CLDN10: variants seen among roughly 807,000 people sequenced by gnomAD.
CLDN10 encodes the protein claudin 10, also known as claudin-10.
Under a neutral mutation model 22.9 loss-of-function variants are expected in CLDN10, and 15 were observed. That is an observed-to-expected ratio of 0.65 (90% CI 0.44 to 1.01). The LOEUF (loss-of-function observed/expected upper bound fraction) is 1.01. Ranked by LOEUF, CLDN10 falls within the 50% of genes least tolerant of loss-of-function variation. The pLI is 0.00. For missense variants in CLDN10, 247 were observed against 287.8 expected (o/e 0.86, Z 1.03); for synonymous variants, 114 against 111.4 (o/e 1.02, Z -0.15).
intron 1 of CLDN10, among the ~76,000 whole-genome samples, chr13:95,496,305 A>G (rs1449101891): frequency 2.0e-5 from 3 of 152,244 alleles, no homozygotes; most frequent in African/African-American, 7.2e-5. Flanking sequence ...GAGATATTCC[A>G]TAGTCAAAAA....
upstream of CLDN10, chr13:95,552,636 G>C (rs987757222): frequency 1.6e-6 from 2 of 1,281,190 alleles, no homozygotes; most frequent in African/African-American, 3.2e-5. Context: ...GCTGGGCGGG[G>C]TGGTGGGCGG....
intron 3 of CLDN10, among the ~76,000 whole-genome samples, chr13:95,568,433 C>T (rs1467648): frequency 0.91 from 138,864 of 152,162 alleles, 63,479 homozygotes; most frequent in African/African-American, 0.94. Context: ...TTTTGCTGAC[C>T]AGTGCATGAC....
chr13:95,539,520 CT>C (rs780925900), intron 1 of CLDN10, among the ~76,000 whole-genome samples: 6 of 152,136 alleles, frequency 3.9e-5, no homozygotes, highest in Non-Finnish European at 8.8e-5. Context: ...ATGAATCTGA[CT>C]TTATAATAAA....
chr13:95,453,769 T>C (rs1178569976), intron 1 of CLDN10, among the ~76,000 whole-genome samples: 1 of 151,966 alleles, frequency 6.6e-6, no homozygotes, highest in Non-Finnish European at 1.5e-5. Context: ...GAAAGGTCCA[T>C]AGGCATGGCT....
At chr13:95,530,245 A>G (rs1260778862) in intron 1 of CLDN10, among the ~76,000 whole-genome samples, 1 of 152,138 alleles carries the variant, frequency 6.6e-6, no homozygotes, top group Non-Finnish European at 1.5e-5. Flanking sequence ...CACAGAATCC[A>G]TTTCCCATGC....
rs552097262 is a variant in CLDN10 at position 95,435,239 on chromosome 13, G to C, written c.214+1192G>C. On this transcript the variant is annotated intron_variant, in intron 1 of 4. Coordinates refer to the CLDN10 transcript ENST00000376873. ...TACATTTACAAATCTGCCACAAATT[G>C]TGGGTTTATTACTTTAAAAATTGCT... Among the ~76,000 whole-genome samples the C allele has an allele frequency of 2.1e-4, 32 of 152,278 alleles. 1 individual carries two copies. Among genetic ancestry groups the C allele is most frequent in the Admixed American group, 1.8e-3 (28 of 15,282 alleles).
intron 1 of CLDN10, among the ~76,000 whole-genome samples, chr13:95,462,586 G>C (rs1289340716): frequency 6.6e-6 from 1 of 152,198 alleles, no homozygotes; most frequent in East Asian, 1.9e-4. Flanking sequence ...TCTCTCAGAT[G>C]CTGGAAGTGA....
intron 1 of CLDN10, among the ~76,000 whole-genome samples, chr13:95,538,219 T>TCTG (rs1234029009): frequency 7.2e-6 from 1 of 138,104 alleles, no homozygotes; most frequent in African/African-American, 2.7e-5. Flanking sequence ...CACTGCAACC[T>TCTG]CTGCTTCCTG....
At chr13:95,550,924 C>T (rs561167461), upstream of CLDN10, among the ~76,000 whole-genome samples, 4 of 149,420 alleles carry the variant, frequency 2.7e-5, no homozygotes, top group Admixed American at 6.8e-5. Context: ...CCGCCCGCCT[C>T]GGCCTCCCAA....
intron 1 of CLDN10, among the ~76,000 whole-genome samples, chr13:95,543,700 T>A (rs1046971009): frequency 6.6e-6 from 1 of 152,160 alleles, no homozygotes; most frequent in Non-Finnish European, 1.5e-5. Flanking sequence ...AAATGCAGCA[T>A]GTTTTTCTAT....
chr13:95,561,851 G>A (rs1037437919), intron 3 of CLDN10, among the ~76,000 whole-genome samples: 4 of 148,622 alleles, frequency 2.7e-5, no homozygotes, highest in Non-Finnish European at 4.4e-5. Context: ...CTGCAGCCTT[G>A]CGCTTCTGCA....
At chr13:95,569,708 A>G (rs545928808) in intron 3 of CLDN10, among the ~76,000 whole-genome samples, 2 of 152,340 alleles carry the variant, frequency 1.3e-5, no homozygotes, top group Admixed American at 6.5e-5. Context: ...TGTCAACTGG[A>G]TACTCTTGGT....
At chr13:95,533,105 A>G (rs754566572) in intron 1 of CLDN10, among the ~76,000 whole-genome samples, 1 of 152,142 alleles carries the variant, frequency 6.6e-6, no homozygotes, top group East Asian at 1.9e-4. Context: ...CATTGTATGT[A>G]ATTTTTACAT....
At chr13:95,534,429 G>T (rs377523337) in intron 1 of CLDN10, among the ~76,000 whole-genome samples, 148 of 152,206 alleles carry the variant, frequency 9.7e-4, no homozygotes, top group African/African-American at 3.2e-3. Flanking sequence ...TGGGTCATCT[G>T]GTCCACCTAA....
At chr13:95,478,597 C>T (rs563721636) in intron 1 of CLDN10, among the ~76,000 whole-genome samples, 1 of 152,120 alleles carries the variant, frequency 6.6e-6, no homozygotes, top group Non-Finnish European at 1.5e-5. Flanking sequence ...AGGGAGGGTG[C>T]GCCTAGGATC....
At position 95,552,739 on chromosome 13, in the gene CLDN10, G is replaced by A; in HGVS notation, c.-15G>A. On this transcript the variant is annotated 5_prime_UTR_variant, in exon 1 of 5. Transcript: ENST00000299339. ...GAGTGGGAGCCGGAGAGCGAGCGCG[G>A]CTGCAGCCGGCGGCATGGCTAGCAC... is the stretch of plus-strand genomic sequence containing the variant. 6.2e-7 allele frequency: 1 copy of A among 1,603,918 alleles called. No homozygotes were observed. Among genetic ancestry groups the A allele is most frequent in the South Asian group, 1.1e-5 (1 of 90,240 alleles).
intron 1 of CLDN10, among the ~76,000 whole-genome samples, chr13:95,545,902 G>A (rs747908646): frequency 6.6e-6 from 1 of 152,138 alleles, no homozygotes; most frequent in Non-Finnish European, 1.5e-5. Flanking sequence ...ACGGGCCAGA[G>A]CTCAAAGCAC....
intron 1 of CLDN10, among the ~76,000 whole-genome samples, chr13:95,483,735 T>C (rs2138500700): frequency 6.6e-6 from 1 of 152,338 alleles, no homozygotes; most frequent in Admixed American, 6.5e-5. Flanking sequence ...CAAGCATGGC[T>C]GAGCTGGCCA....
rs2043582539 is a variant in CLDN10 at position 95,552,777 on chromosome 13, C to A, written c.24C>A (p.Ile8=). ...GCATGGCTAGCACGGCTTCGGAGATCATCGCCTTCATGGTCTCCATCTCAG... is the reference window on the plus strand; with the variant it reads ...GCATGGCTAGCACGGCTTCGGAGATAATCGCCTTCATGGTCTCCATCTCAG... MASTASE[I]IAFMVSISGW... The change falls in exon 1 of 5, where the codon ATC becomes ATA. Residue 8 remains isoleucine (I), a synonymous_variant. Coordinates refer to ENST00000299339, the MANE Select transcript of CLDN10 (RefSeq NM_006984.5). The A allele has an allele frequency of 6.2e-7, 1 of 1,613,276 alleles. No homozygotes were observed. Among genetic ancestry groups the A allele is most frequent in the Non-Finnish European group, 8.5e-7 (1 of 1,179,860 alleles).
Sources: allele counts gnomAD v4.1 joint callset (sites outside exome capture counted in the v4.1 genomes callset), GRCh38; gene constraint gnomAD v4.1.1; transcripts MANE v1.5; gene names NCBI Gene and HGNC (gene_info 2026-07-23, HGNC 2026-07-21).